ANKRD55: variants seen among roughly 807,000 people sequenced by gnomAD.
The protein encoded by ANKRD55 is ankyrin repeat domain 55, also known as ankyrin repeat domain-containing protein 55.
A neutral mutation model predicts 60.6 loss-of-function variants in ANKRD55; 41 were observed. The observed-to-expected ratio is 0.68, with a 90% CI of 0.53 to 0.88. ANKRD55 has a LOEUF of 0.88. Ranked by LOEUF, ANKRD55 falls within the 40% of genes least tolerant of loss-of-function variation. The pLI is 0.00. For missense variants in ANKRD55, 732 were observed against 767.6 expected (o/e 0.95, Z 0.55); for synonymous variants, 264 against 290.3 (o/e 0.91, Z 0.92).
intron 2 of ANKRD55, among the ~76,000 whole-genome samples, chr5:56,205,845 C>G (rs985171125): frequency 6.6e-6 from 1 of 152,100 alleles, no homozygotes. Context: ...CCCTGCAGTC[C>G]CTGAGCTTTG....
At chr5:56,101,915 G>T (rs976582031) in intron 11 of ANKRD55, among the ~76,000 whole-genome samples, 5 of 151,688 alleles carry the variant, frequency 3.3e-5, no homozygotes, top group African/African-American at 1.2e-4. Context: ...CCTTCCTAAA[G>T]ACATTAAATA....
intron 8 of ANKRD55, among the ~76,000 whole-genome samples, chr5:56,118,532 G>A (rs1364662254): frequency 6.6e-6 from 1 of 151,986 alleles, no homozygotes; most frequent in African/African-American, 2.4e-5. Context: ...GCTGAGGCAG[G>A]AGAATGGTGT....
intron 3 of ANKRD55, among the ~76,000 whole-genome samples, chr5:56,182,899 C>T (rs1758881155): frequency 1.3e-5 from 2 of 152,170 alleles, no homozygotes; most frequent in South Asian, 4.1e-4. Flanking sequence ...TCTTTCTAGG[C>T]TGTTTCTTTC....
chr5:56,169,891 T>G (rs1758567880), intron 5 of ANKRD55, among the ~76,000 whole-genome samples: 1 of 152,202 alleles, frequency 6.6e-6, no homozygotes, highest in South Asian at 2.1e-4. Flanking sequence ...ATAGTAGAAA[T>G]GCTGTTAGCA....
intron 2 of ANKRD55, among the ~76,000 whole-genome samples, chr5:56,200,092 C>A (rs1318548247): frequency 6.6e-6 from 1 of 152,092 alleles, no homozygotes; most frequent in African/African-American, 2.4e-5. Flanking sequence ...TCAGAACTTT[C>A]TATATTTTTC....
chr5:56,134,305 C>T lies in ANKRD55; in HGVS notation c.613-7199G>A, dbSNP rs1375645292. Among the ~76,000 whole-genome samples the T allele has an allele frequency of 1.7e-5, 2 of 115,158 alleles. 1 individual carries two copies. The highest frequency in any genetic ancestry group is 4.1e-5 in the Non-Finnish European group (2 of 48,548). The allele number at this position is 115,158 out of a possible 152,430, so 75.5% of individuals were successfully genotyped here. ...TTAAAGAAACTGAATAGGCTGGGTGCGGTGGCTTACGCCTGTTATCCCAGC... is the reference window on the plus strand; with the variant it reads ...TTAAAGAAACTGAATAGGCTGGGTGTGGTGGCTTACGCCTGTTATCCCAGC... On this transcript the variant is annotated intron_variant, in intron 7 of 11. Transcript: ENST00000341048.
intron 5 of ANKRD55, 56 bp from the exon 6 acceptor site, chr5:56,159,949 T>C: frequency 6.7e-7 from 1 of 1,497,504 alleles, no homozygotes; most frequent in Non-Finnish European, 9.3e-7. Context: ...ACGGTGCTCT[T>C]GGAATCGGTA....
intron 6 of ANKRD55, among the ~76,000 whole-genome samples, chr5:56,144,138 A>T (rs1473529446): frequency 6.6e-6 from 1 of 152,266 alleles, no homozygotes; most frequent in Non-Finnish European, 1.5e-5. Context: ...TCAGGATACA[A>T]AAGTTAATAA....
intron 2 of ANKRD55, among the ~76,000 whole-genome samples, chr5:56,220,290 G>C (rs1390092716): frequency 1.3e-5 from 2 of 152,194 alleles, no homozygotes; most frequent in Admixed American, 1.3e-4. Context: ...CTTCTGTAGA[G>C]TCCATAAGAA....
At chr5:56,232,120 A>G (rs1210644849) in intron 2 of ANKRD55, among the ~76,000 whole-genome samples, 3 of 152,262 alleles carry the variant, frequency 2.0e-5, no homozygotes, top group Non-Finnish European at 4.4e-5. Flanking sequence ...ATTTACTATT[A>G]CACATAAGTA....
chr5:56,226,413 T>C (rs1364239900), intron 2 of ANKRD55, among the ~76,000 whole-genome samples: 2 of 152,134 alleles, frequency 1.3e-5, no homozygotes, highest in Non-Finnish European at 2.9e-5. Context: ...ATTCAGGACA[T>C]AGGCATGGGC....
intron 5 of ANKRD55, among the ~76,000 whole-genome samples, chr5:56,169,551 A>C (rs1758560077): frequency 6.6e-6 from 1 of 151,822 alleles, no homozygotes; most frequent in Non-Finnish European, 1.5e-5. Context: ...CTTTGGGTAA[A>C]TCCTAGTTTT....
chr5:56,144,221 A>G (rs926028684), intron 6 of ANKRD55, among the ~76,000 whole-genome samples: 10 of 152,226 alleles, frequency 6.6e-5, no homozygotes, highest in African/African-American at 1.7e-4. Context: ...GCACAAAAAC[A>G]TGTCAAACAA....
intron 8 of ANKRD55, among the ~76,000 whole-genome samples, chr5:56,117,731 C>T (rs371168834): frequency 4.1e-4 from 63 of 152,268 alleles, no homozygotes; most frequent in African/African-American, 1.3e-3. Flanking sequence ...GGATTATAGG[C>T]GTGAGCCACC....
At chr5:56,117,997 G>A (rs1340759075) in intron 8 of ANKRD55, among the ~76,000 whole-genome samples, 1 of 152,034 alleles carries the variant, frequency 6.6e-6, no homozygotes, top group Non-Finnish European at 1.5e-5. Flanking sequence ...ACAAAAATTA[G>A]CCAGTCATGG....
intron 2 of ANKRD55, among the ~76,000 whole-genome samples, chr5:56,196,793 G>A (rs1759238050): frequency 6.6e-6 from 1 of 152,120 alleles, no homozygotes; most frequent in South Asian, 2.1e-4. Flanking sequence ...GCAGACCCCA[G>A]TCTCAGAAAT....
At chr5:56,132,306 T>G (rs1464863888) in intron 7 of ANKRD55, among the ~76,000 whole-genome samples, 1 of 148,104 alleles carries the variant, frequency 6.8e-6, no homozygotes, top group Non-Finnish European at 1.5e-5. Flanking sequence ...CCACAAAAGG[T>G]GGAAGAAGAG....
intron 3 of ANKRD55, among the ~76,000 whole-genome samples, chr5:56,182,371 G>T (rs771444482): frequency 6.6e-6 from 1 of 152,090 alleles, no homozygotes; most frequent in Non-Finnish European, 1.5e-5. Flanking sequence ...CTGCTGCTGA[G>T]CTTATTCACT....
At chr5:56,192,785 G>T in intron 2 of ANKRD55, 1 of 969,506 alleles carries the variant, frequency 1.0e-6, no homozygotes, top group Non-Finnish European at 1.6e-6. Flanking sequence ...CACAGACATC[G>T]CTGAAAACCT....
Sources: allele counts gnomAD v4.1 joint callset (sites outside exome capture counted in the v4.1 genomes callset), GRCh38; gene constraint gnomAD v4.1.1; transcripts MANE v1.5; gene names NCBI Gene and HGNC (gene_info 2026-07-23, HGNC 2026-07-21).